MAPKBP1: variants seen among roughly 807,000 people sequenced by gnomAD.
The protein encoded by MAPKBP1 is mitogen-activated protein kinase binding protein 1.
In MAPKBP1, 71 loss-of-function variants were observed where a neutral mutation model predicts 170.5. That is an observed-to-expected ratio of 0.42 (90% confidence interval 0.34 to 0.51). The LOEUF (loss-of-function observed/expected upper bound fraction) is 0.51, where lower values mean the gene tolerates loss of function less well. Ranked by LOEUF, MAPKBP1 falls within the 20% of genes least tolerant of loss-of-function variation. MAPKBP1 has a pLI of 0.06. For synonymous variants in MAPKBP1, 719 were observed against 757.9 expected, an observed-to-expected ratio of 0.95 and a Z score of 0.84; for missense variants, 1,598 against 1,933.0, an observed-to-expected ratio of 0.83 and a Z score of 3.25.
chr15:41,812,203 C>A, intron 6 of MAPKBP1, 76 bp downstream of exon 6: 1 of 1,544,628 alleles, frequency 6.5e-7, no homozygotes. Flanking sequence ...GACTGCTGAC[C>A]TGCACTGCTC....
intron 26 of MAPKBP1, 29 bp downstream of exon 26, chr15:41,822,451 C>T (rs775047978): frequency 1.2e-6 from 2 of 1,609,514 alleles, no homozygotes; most frequent in South Asian, 1.1e-5. Context: ...CATTTAGTGC[C>T]TGCAATTTGC....
intron 2 of MAPKBP1, among the ~76,000 whole-genome samples, chr15:41,786,777 A>AAATATATATATATATATATATATATAT: frequency 1.2e-4 from 4 of 32,438 alleles, no homozygotes; most frequent in Non-Finnish European, 1.7e-4. Context: ...AAAAAAAAAA[A>AAATATATATATATATATATATATATAT]ATATATATAT....
intron 24 of MAPKBP1, 27 bp downstream of exon 24, chr15:41,821,777 C>T (rs201550328): frequency 1.4e-5 from 22 of 1,610,292 alleles, no homozygotes; most frequent in African/African-American, 9.4e-5. Context: ...AGCCAGACCC[C>T]GTGCCCCCGT....
At chr15:41,820,746 A>C in intron 22 of MAPKBP1, 86 bp from the exon 23 acceptor site, 1 of 952,356 alleles carries the variant, frequency 1.1e-6, no homozygotes, top group Non-Finnish European at 1.6e-6. Flanking sequence ...GTAGTGTGCC[A>C]GGCACATAGT....
intron 2 of MAPKBP1, among the ~76,000 whole-genome samples, chr15:41,784,223 C>T (rs910740662): frequency 6.6e-6 from 1 of 152,182 alleles, no homozygotes; most frequent in Non-Finnish European, 1.5e-5. Context: ...TCAACATGTC[C>T]TTTCTGCTTA....
At chr15:41,811,359 G>T (rs1304271875) in intron 5 of MAPKBP1, 124 bp downstream of exon 5, 1 of 1,014,994 alleles carries the variant, frequency 9.9e-7, no homozygotes, top group Non-Finnish European at 1.5e-6. Context: ...CCTGGTTTTC[G>T]CTATACCTTA....
chr15:41,783,964 G>C (rs1051033904), intron 2 of MAPKBP1, among the ~76,000 whole-genome samples: 2 of 152,042 alleles, frequency 1.3e-5, no homozygotes, highest in Non-Finnish European at 2.9e-5. Flanking sequence ...AGCCGAGATC[G>C]CGCCACTGCA....
intron 2 of MAPKBP1, among the ~76,000 whole-genome samples, chr15:41,790,836 G>C (rs906692566): frequency 2.0e-5 from 3 of 152,164 alleles, no homozygotes; most frequent in Non-Finnish European, 2.9e-5. Flanking sequence ...CAACAGGAAT[G>C]AGTTAGCCTG....
chr15:41,796,608 C>A (rs1002843386), intron 2 of MAPKBP1, among the ~76,000 whole-genome samples: 2 of 152,110 alleles, frequency 1.3e-5, no homozygotes, highest in Non-Finnish European at 2.9e-5. Context: ...CTGCTTTTCC[C>A]CCCCCTTGGA....
At chr15:41,819,179 C>T in intron 20 of MAPKBP1, 67 bp from the exon 21 acceptor site, 1 of 1,578,130 alleles carries the variant, frequency 6.3e-7, no homozygotes, top group Non-Finnish European at 8.7e-7. Flanking sequence ...TTCCTTCTTC[C>T]CCCACTGAGC....
At chr15:41,813,552 T>C in intron 8 of MAPKBP1, 69 bp from the exon 9 acceptor site, 16 of 1,579,378 alleles carry the variant, frequency 1.0e-5, no homozygotes, top group Admixed American at 1.8e-5. Flanking sequence ...AGGTGGCTGT[T>C]GATGGGTGGG....
Position 41,818,386 on chromosome 15 carries a change from C to A in MAPKBP1, c.2092+81C>A. The A allele has an allele frequency of 7.1e-7, 1 of 1,411,942 alleles. No homozygotes were observed. The highest frequency in any genetic ancestry group is 1.0e-6 in the Non-Finnish European group (1 of 1,002,284). 87.5% of individuals were successfully genotyped at this position (1,411,942 alleles called of 1,614,324 possible). On this transcript the variant is annotated intron_variant, in intron 18 of 30. Coordinates refer to ENST00000457542, the MANE Select transcript of MAPKBP1 (RefSeq NM_014994.3). This position sits in a 1 kb window ranked among gnomAD's most constrained non-coding sequence, Gnocchi z 5.2. ...GTTCCACCCCTGGAACTTCACTCTT[C>A]TATTAGTTTCTTGGGACCCGCAGAG...
intron 2 of MAPKBP1, among the ~76,000 whole-genome samples, chr15:41,784,004 G>A (rs773241246): frequency 5.9e-5 from 9 of 152,026 alleles, no homozygotes; most frequent in Non-Finnish European, 1.0e-4. Context: ...GCAAAACTCC[G>A]TCTCAAAAAA....
At chr15:41,777,021 C>G (rs1241718848) in intron 2 of MAPKBP1, among the ~76,000 whole-genome samples, 1 of 152,080 alleles carries the variant, frequency 6.6e-6, no homozygotes, top group East Asian at 1.9e-4. Flanking sequence ...ACAGGGGAGG[C>G]GACCTAAGTC....
chr15:41,777,201 C>A (rs530769502), intron 2 of MAPKBP1, among the ~76,000 whole-genome samples: 2 of 151,958 alleles, frequency 1.3e-5, no homozygotes, highest in East Asian at 3.8e-4. Flanking sequence ...ATTAGCCGGG[C>A]GTGGTGGTGC....
At chr15:41,784,912 A>AAT (rs2064257162) in intron 2 of MAPKBP1, among the ~76,000 whole-genome samples, 3 of 151,020 alleles carry the variant, frequency 2.0e-5, no homozygotes, top group African/African-American at 2.4e-5. Context: ...AAAAAAAAAA[A>AAT]AAAAAATTAG....
intron 3 of MAPKBP1, among the ~76,000 whole-genome samples, chr15:41,806,087 C>T (rs2064685829): frequency 6.6e-6 from 1 of 152,142 alleles, no homozygotes; most frequent in South Asian, 2.1e-4. Flanking sequence ...TACTGAGGGC[C>T]TATCGTCTAG....
Position 41,822,367 on chromosome 15 carries a change from C to A in MAPKBP1, c.3174C>A (p.Asp1058Glu). 1 of 1,614,058 alleles carries A rather than the reference C, an allele frequency of 6.2e-7. No individual in the cohort carries two copies. The highest frequency in any genetic ancestry group is 1.1e-5 in the South Asian group (1 of 91,072). ...AGGAGGGCAGCCCCCAGACTCCAGA[C>A]CAGGAGCAGTTTCTAAAACAGCACT... Reference protein sequence around the residue: ...GLQEGSPQTPDQEQFLKQHFE... With the variant: ...GLQEGSPQTPEQEQFLKQHFE... Residue 1058 changes from aspartate to glutamate, a missense_variant, in exon 26 of 31, where the codon GAC (aspartate) becomes GAA (glutamate). Coordinates refer to ENST00000457542, the MANE Select transcript of MAPKBP1 (RefSeq NM_014994.3).
At chr15:41,779,272 G>A (rs1387782099) in intron 2 of MAPKBP1, among the ~76,000 whole-genome samples, 3 of 152,140 alleles carry the variant, frequency 2.0e-5, no homozygotes, top group South Asian at 2.1e-4. Context: ...GTACAGTGGC[G>A]TGATCTCGGC....
Sources: allele counts gnomAD v4.1 joint callset (sites outside exome capture counted in the v4.1 genomes callset), GRCh38; gene constraint gnomAD v4.1.1; non-coding constraint Gnocchi (gnomAD v3.1); transcripts MANE v1.5; gene names NCBI Gene and HGNC (gene_info 2026-07-23, HGNC 2026-07-21).